Variants in SLC10A5 observed in about 807,000 individuals in gnomAD.
The protein encoded by SLC10A5 is solute carrier family 10 member 5, also known as sodium/bile acid cotransporter 5.
For missense variants in SLC10A5, 475 were observed against 500.7 expected, an observed-to-expected ratio of 0.95 and a Z score of 0.49; for synonymous variants, 181 against 183.7, an observed-to-expected ratio of 0.99 and a Z score of 0.12.
Position 81,693,668 on chromosome 8 carries a change from A to G in SLC10A5, c.1305T>C (p.Asn435=), listed in dbSNP as rs1807679894. The G allele has an allele frequency of 6.3e-7, 1 of 1,587,412 alleles. No individual in the cohort carries two copies. The highest frequency in any genetic ancestry group is 1.4e-5 in the African/African-American group (1 of 73,194). ...IFFLQDKRKR[N]FLI is the part of the protein sequence containing the mutation. ...AATGCTTTAATTGTTAGATTAGGAA[A>G]TTTCTTTTCCTTTTATCTTGTAAGA... Residue 435 remains asparagine (N), a synonymous_variant, in exon 1 of 1, where the codon AAT becomes AAC. Transcript: ENST00000518568.
At position 81,694,447 on chromosome 8, in the gene SLC10A5, G is replaced by C. The variant is rs1413904030; in HGVS notation, c.526C>G (p.Pro176Ala). 2.5e-6 allele frequency: 4 copies of C among 1,614,168 alleles called. No individual in the cohort carries two copies. In the African/African-American group the frequency reaches 5.3e-5, roughly 22 times the overall value. ...LFQTVWKRPL[P>A]VILGAVTQFF... ...TGTGTAACTGCCCCAAGAATTACTG[G>C]CAAAGGTCTCTTCCATACTGTTTGA... Residue 176 changes from proline to alanine, a missense_variant, in exon 1 of 1, where the codon CCA becomes GCA. Pro to Ala is a conservative substitution (Grantham distance 27). Transcript: ENST00000518568.
Position 81,694,250 on chromosome 8 carries a change from T to G in SLC10A5, c.723A>C (p.Thr241=). The change falls in exon 1 of 1, where the codon ACA becomes ACC. Residue 241 remains threonine (T), a synonymous_variant. Transcript: ENST00000518568. The stretch of plus-strand genomic sequence containing the variant: ...TCATGATCAGAGCCAATAATGTTGA[T>G]GTGCAAGTCATCAAAATGGCCAATG... The part of the protein sequence containing the change: ...DFTLAILMTC[T]STLLALIMMP... 6.2e-7 allele frequency: 1 copy of G among 1,614,150 alleles called. No individual in the cohort carries two copies. The highest frequency in any genetic ancestry group is 1.3e-5 in the African/African-American group (1 of 75,036).
rs1329911491 is a variant in SLC10A5 at position 81,694,880 on chromosome 8, CTT to C, written c.91_92del (p.Lys31AspfsTer2). The C allele has an allele frequency of 6.2e-7, 1 of 1,613,172 alleles. No individual in the cohort carries two copies. The highest frequency in any genetic ancestry group is 8.5e-7 in the Non-Finnish European group (1 of 1,179,898). On this transcript the variant is annotated frameshift_variant, in exon 1 of 1. Coordinates refer to ENST00000518568, the MANE Select transcript of SLC10A5 (RefSeq NM_001010893.3). LOFTEE classifies it low-confidence loss of function (END_TRUNC). ...TCTTTGTGAAAAATAGTATTTCAGT[CTT>C]CTCTATATTCAGAAAACTGAGCGAT... is the stretch of plus-strand genomic sequence containing the variant. ...MSSLSFLNIE[K>X]TEILFFTKTE... is the part of the protein sequence containing the mutation.
Position 81,694,882 on chromosome 8 carries a change from T to C in SLC10A5, c.91A>G (p.Lys31Glu). 6.2e-7 allele frequency: 1 copy of C among 1,611,876 alleles called. No homozygotes were observed. Among genetic ancestry groups the C allele is most frequent in the Non-Finnish European group, 8.5e-7 (1 of 1,179,622 alleles). ...TTTGTGAAAAATAGTATTTCAGTCT[T>C]CTCTATATTCAGAAAACTGAGCGAT... ...MSSLSFLNIEKTEILFFTKTE... is the reference protein window; with the variant it reads ...MSSLSFLNIEETEILFFTKTE... The change falls in exon 1 of 1, where the codon AAG becomes GAG. Residue 31 changes from lysine (K) to glutamate (E), a missense_variant. Lys to Glu is a moderately conservative substitution (Grantham distance 56). Transcript: ENST00000518568.
chr8:81,693,903 A>G lies in SLC10A5; in HGVS notation c.1070T>C (p.Val357Ala). 3.1e-6 allele frequency: 5 copies of G among 1,614,092 alleles called. No homozygotes were observed. The highest frequency in any genetic ancestry group is 4.2e-6 in the Non-Finnish European group (5 of 1,180,016). ...GLLFGYSFAK[V>A]CTLPLPVCKT... ...ACAAACAGGAAGAGGCAGCGTACAA[A>G]CTTTAGCAAAGGAGTACCCAAACAG... is the stretch of plus-strand genomic sequence containing the variant. The change falls in exon 1 of 1, where the codon GTT becomes GCT. Residue 357 changes from valine to alanine, a missense_variant. Physicochemically the swap from Val to Ala is moderately conservative, Grantham distance 64. Coordinates refer to ENST00000518568, the MANE Select transcript of SLC10A5 (RefSeq NM_001010893.3).
At position 81,693,759 on chromosome 8, in the gene SLC10A5, A is replaced by C; in HGVS notation, c.1214T>G (p.Met405Arg). Residue 405 changes from methionine to arginine, a missense_variant, in exon 1 of 1, where the codon ATG becomes AGG. Transcript: ENST00000518568. ...CAGTAACATTTCACATCCAGAACAC[A>C]TGGCTACTGTAAAAGGAGCCACAGA... ...LASVAPFTVA[M>R]CSGCEMLLII... 1 of 1,614,146 alleles carries C rather than the reference A, an allele frequency of 6.2e-7. No homozygotes were observed. Among genetic ancestry groups the C allele is most frequent in the Non-Finnish European group, 8.5e-7 (1 of 1,180,004 alleles).
Position 81,694,334 on chromosome 8 carries a change from G to A in SLC10A5, c.639C>T (p.Cys213=), listed in dbSNP as rs746799644. ...AGCCCCCACCCCCTCCTGGGCACGT[G>A]CAGGTCATTACAACTCCAAAAGCTT... ...EAQAFGVVMT[C]TCPGGGGGYL... Residue 213 remains cysteine, a synonymous_variant, in exon 1 of 1, where the codon TGC becomes TGT. Coordinates refer to ENST00000518568, the MANE Select transcript of SLC10A5 (RefSeq NM_001010893.3). The A allele has an allele frequency of 4.3e-6, 7 of 1,613,698 alleles. No homozygotes were observed. In the Admixed American group the frequency reaches 1.0e-4, roughly 23 times the overall value.
At position 81,694,895 on chromosome 8, in the gene SLC10A5, A is replaced by C. The variant is rs200277995; in HGVS notation, c.78T>G (p.Phe26Leu). The stretch of plus-strand genomic sequence containing the variant: ...GTATTTCAGTCTTCTCTATATTCAG[A>C]AAACTGAGCGATGACATCCTTGCTT... ...IEEARMSSLS[F>L]LNIEKTEILF... is the part of the protein sequence containing the mutation. Residue 26 changes from phenylalanine (F) to leucine (L), a missense_variant, in exon 1 of 1, where the codon TTT becomes TTG. Physicochemically the swap from Phe to Leu is conservative, Grantham distance 22. Transcript: ENST00000518568. 54 of 1,608,752 alleles carry C rather than the reference A, an allele frequency of 3.4e-5. No homozygotes were observed. In the East Asian group the frequency reaches 7.8e-4, roughly 23 times the overall value.
Position 81,694,669 on chromosome 8 carries a change from T to C in SLC10A5, c.304A>G (p.Ile102Val), listed in dbSNP as rs771492970. 3 of 1,614,026 alleles carry C rather than the reference T, an allele frequency of 1.9e-6. No individual in the cohort carries two copies. Among genetic ancestry groups the C allele is most frequent in the Admixed American group, 1.7e-5 (1 of 60,022 alleles). ...CTACCTTCAGAATCCCAGAGTTGAA[T>C]AGTCACATTTGTTTCTCCTTCTTCA... ...TDEEGETNVT[I>V]QLWDSEGRQE... The change falls in exon 1 of 1, where the codon ATT (isoleucine) becomes GTT (valine). Residue 102 changes from isoleucine (I) to valine (V), a missense_variant. Ile to Val is a conservative substitution (Grantham distance 29). Transcript: ENST00000518568.
rs1442947347 is a variant in SLC10A5, at chr8:81,693,746, A to G, written c.1227T>C (p.Cys409=). 1 of 1,614,042 alleles carries G rather than the reference A, an allele frequency of 6.2e-7. No homozygotes were observed. Among genetic ancestry groups the G allele is most frequent in the Non-Finnish European group, 8.5e-7 (1 of 1,179,988 alleles). The change falls in exon 1 of 1, where the codon TGT becomes TGC. Residue 409 remains cysteine, a synonymous_variant. Coordinates refer to ENST00000518568, the MANE Select transcript of SLC10A5 (RefSeq NM_001010893.3). Reference sequence around the variant, plus strand: ...AAACTAGAATGATCAGTAACATTTCACATCCAGAACACATGGCTACTGTAA... The same window carrying G: ...AAACTAGAATGATCAGTAACATTTCGCATCCAGAACACATGGCTACTGTAA... ...APFTVAMCSG[C]EMLLIILVYK...
chr8:81,694,006 T>C lies in SLC10A5; in HGVS notation c.967A>G (p.Thr323Ala), dbSNP rs777509904. The change falls in exon 1 of 1, where the codon ACA (threonine) becomes GCA (alanine). Residue 323 changes from threonine to alanine, a missense_variant. Thr to Ala is a moderately conservative substitution (Grantham distance 58). Transcript: ENST00000518568. Reference protein sequence around the residue: ...LMFVGIYLTFTVGLVFLKTDN... With the variant: ...LMFVGIYLTFAVGLVFLKTDN... ...GTTTTTAAGAACACTAATCCCACTGTGAAAGTCAAATAAATTCCTACGAAC... is the reference window on the plus strand; with the variant it reads ...GTTTTTAAGAACACTAATCCCACTGCGAAAGTCAAATAAATTCCTACGAAC... 6.2e-7 allele frequency: 1 copy of C among 1,613,886 alleles called. No homozygotes were observed. Among genetic ancestry groups the C allele is most frequent in the South Asian group, 1.1e-5 (1 of 91,082 alleles).
At position 81,694,321 on chromosome 8, in the gene SLC10A5, C is replaced by G; in HGVS notation, c.652G>C (p.Gly218Arg). The G allele has an allele frequency of 6.2e-7, 1 of 1,614,166 alleles. No homozygotes were observed. The highest frequency in any genetic ancestry group is 8.5e-7 in the Non-Finnish European group (1 of 1,180,026). The part of the protein sequence containing the change: ...GVVMTCTCPG[G>R]GGGYLFALLL... ...AGAGCAAAGAGATAGCCCCCACCCC[C>G]TCCTGGGCACGTGCAGGTCATTACA... The change falls in exon 1 of 1, where the codon GGG becomes CGG. Residue 218 changes from glycine (G) to arginine (R), a missense_variant. Coordinates refer to ENST00000518568, the MANE Select transcript of SLC10A5 (RefSeq NM_001010893.3).
rs1399514345 is a variant in SLC10A5 at position 81,693,782 on chromosome 8, A to T, written c.1191T>A (p.Ser397=). 1 of 1,614,060 alleles carries T rather than the reference A, an allele frequency of 6.2e-7. No individual in the cohort carries two copies. The highest frequency in any genetic ancestry group is 1.7e-5 in the Admixed American group (1 of 60,006). Residue 397 remains serine (S), a synonymous_variant, in exon 1 of 1, where the codon TCT becomes TCA. Coordinates refer to ENST00000518568, the MANE Select transcript of SLC10A5 (RefSeq NM_001010893.3). The part of the protein sequence containing the change: ...SFPQSKANLA[S]VAPFTVAMCS... ...ACATGGCTACTGTAAAAGGAGCCAC[A>T]GAAGCTAAATTGGCCTTGGACTGTG...
Position 81,693,970 on chromosome 8 carries a change from C to G in SLC10A5, c.1003G>C (p.Glu335Gln). 6.2e-7 allele frequency: 1 copy of G among 1,613,894 alleles called. No homozygotes were observed. Among genetic ancestry groups the G allele is most frequent in the Non-Finnish European group, 8.5e-7 (1 of 1,180,028 alleles). The change falls in exon 1 of 1, where the codon GAG becomes CAG. Residue 335 changes from glutamate to glutamine, a missense_variant. Glu to Gln is a conservative substitution (Grantham distance 29). Transcript: ENST00000518568. ...GLVFLKTDNLEVILLGLLVPA... is the reference protein window; with the variant it reads ...GLVFLKTDNLQVILLGLLVPA... ...ACTAAGAGACCCAACAGAATCACCT[C>G]TAGATTATCTGTTTTTAAGAACACT...
In SLC10A5 at chr8:81,695,006, C is replaced by T. The variant is rs779275833; in HGVS notation, c.-34G>A. On this transcript the variant is annotated 5_prime_UTR_variant, in exon 1 of 1. Transcript: ENST00000518568. Reference sequence around the variant, plus strand: ...CTGAAATAAATCATATATGCAAAATCGTTTTTAAAAAATGAAAGAACATTC... The same window carrying T: ...CTGAAATAAATCATATATGCAAAATTGTTTTTAAAAAATGAAAGAACATTC... 38 of 1,476,090 alleles carry T rather than the reference C, an allele frequency of 2.6e-5. No homozygotes were observed. Among genetic ancestry groups the T allele is most frequent in the Non-Finnish European group, 3.2e-5 (36 of 1,108,072 alleles). 91.4% of individuals were successfully genotyped at this position (1,476,090 alleles called of 1,614,324 possible).
Position 81,694,635 on chromosome 8 carries a change from C to G in SLC10A5, c.338G>C (p.Arg113Thr). 6.2e-7 allele frequency: 1 copy of G among 1,613,956 alleles called. No homozygotes were observed. The highest frequency in any genetic ancestry group is 8.5e-7 in the Non-Finnish European group (1 of 1,179,998). ...QLWDSEGRQE[R>T]LIEEIKNVKV... ...CACATTCTTGATTTCTTCAATGAGT[C>G]TTTCTTGCCTACCTTCAGAATCCCA... The change falls in exon 1 of 1, where the codon AGA (arginine) becomes ACA (threonine). Residue 113 changes from arginine (R) to threonine (T), a missense_variant. Transcript: ENST00000518568.
In SLC10A5 at chr8:81,694,867, A is replaced by G. The variant is rs1014813686; in HGVS notation, c.106T>C (p.Phe36Leu). The G allele has an allele frequency of 6.2e-7, 1 of 1,613,666 alleles. No individual in the cohort carries two copies. The highest frequency in any genetic ancestry group is 1.3e-5 in the African/African-American group (1 of 74,928). Reference sequence around the variant, plus strand: ...ATGGTTTCTTCAGTCTTTGTGAAAAATAGTATTTCAGTCTTCTCTATATTC... The same window carrying G: ...ATGGTTTCTTCAGTCTTTGTGAAAAGTAGTATTTCAGTCTTCTCTATATTC... ...FLNIEKTEIL[F>L]FTKTEETILV... The change falls in exon 1 of 1, where the codon TTT becomes CTT. Residue 36 changes from phenylalanine to leucine, a missense_variant. Transcript: ENST00000518568.
In SLC10A5 at chr8:81,694,514, C is replaced by G. The variant is rs1356554276; in HGVS notation, c.459G>C (p.Leu153Phe). The G allele has an allele frequency of 9.9e-6, 16 of 1,614,180 alleles. No individual in the cohort carries two copies. Among genetic ancestry groups the G allele is most frequent in the Non-Finnish European group, 1.3e-5 (15 of 1,180,034 alleles). Residue 153 changes from leucine (L) to phenylalanine (F), a missense_variant, in exon 1 of 1, where the codon TTG becomes TTC. Physicochemically the swap from Leu to Phe is conservative, Grantham distance 22. Transcript: ENST00000518568. ...ILMLILPLIL[L>F]NKCAFGCKIE... ...TCTTACAACCAAATGCACACTTATT[C>G]AATAGTATTAGTGGTAAAATAAGCA... is the stretch of plus-strand genomic sequence containing the variant.
In SLC10A5 at chr8:81,694,688, T is replaced by C; in HGVS notation, c.285A>G (p.Glu95=). ...NFTINLVTDE[E]GETNVTIQLW... is the part of the protein sequence containing the mutation. The stretch of plus-strand genomic sequence containing the variant: ...GTTGAATAGTCACATTTGTTTCTCC[T>C]TCTTCATCAGTCACCAGATTTATGG... The change falls in exon 1 of 1, where the codon GAA becomes GAG. Residue 95 remains glutamate, a synonymous_variant. Transcript: ENST00000518568. The C allele has an allele frequency of 3.7e-6, 6 of 1,614,106 alleles. No homozygotes were observed. Among genetic ancestry groups the C allele is most frequent in the Non-Finnish European group, 4.2e-6 (5 of 1,180,010 alleles).
Sources: gnomAD v4.1 joint callset for allele counts on GRCh38, gnomAD v4.1.1 for gene constraint, MANE v1.5 for transcripts, NCBI Gene and HGNC (gene_info 2026-07-23, HGNC 2026-07-21) for gene names.